OPCML: variants seen among roughly 807,000 people sequenced by gnomAD.
OPCML encodes opioid-binding protein/cell adhesion molecule.
OPCML carries 13 observed loss-of-function variants against 37.8 expected under a neutral mutation model. That is an observed-to-expected ratio of 0.34 (90% CI 0.22 to 0.55). OPCML has a LOEUF of 0.55. Among genes scored for constraint, OPCML ranks in the 20% least tolerant of loss-of-function variants. The pLI is 0.91. For synonymous variants in OPCML, 176 were observed against 168.8 expected (o/e 1.04, Z -0.33); for missense variants, 341 against 435.6 (o/e 0.78, Z 1.93).
At chr11:133,463,694 C>G (rs1182880745) in intron 1 of OPCML, among the ~76,000 whole-genome samples, 6 of 152,120 alleles carry the variant, frequency 3.9e-5, no homozygotes, top group Non-Finnish European at 4.4e-5. Context: ...ATACCGACAC[C>G]TGGAATGCGC....
chr11:133,148,480 G>T (rs1352037876), intron 1 of OPCML, among the ~76,000 whole-genome samples: 3 of 152,230 alleles, frequency 2.0e-5, no homozygotes, highest in Non-Finnish European at 2.9e-5. Context: ...ATCGCTGGCT[G>T]TTGGTTTTCA....
At chr11:132,704,571 A>G (rs1943957593) in intron 2 of OPCML, among the ~76,000 whole-genome samples, 2 of 152,254 alleles carry the variant, frequency 1.3e-5, no homozygotes, top group Non-Finnish European at 2.9e-5. Context: ...TTACAGTTAT[A>G]TGAAAATGTA....
At chr11:132,695,297 C>T (rs991571625) in intron 2 of OPCML, among the ~76,000 whole-genome samples, 1 of 152,088 alleles carries the variant, frequency 6.6e-6, no homozygotes, top group Non-Finnish European at 1.5e-5. Context: ...CTGCATAATC[C>T]TTGAATGATG....
chr11:132,986,136 T>C (rs1429776403), intron 1 of OPCML, among the ~76,000 whole-genome samples: 1 of 152,134 alleles, frequency 6.6e-6, no homozygotes, highest in African/African-American at 2.4e-5. Context: ...TTTCCCTCAA[T>C]CTAATGGAAA....
intron 1 of OPCML, among the ~76,000 whole-genome samples, chr11:133,484,841 T>G (rs1482668347): frequency 6.6e-6 from 1 of 152,112 alleles, no homozygotes; most frequent in Non-Finnish European, 1.5e-5. Context: ...TTTCTTGGCA[T>G]TCAACAACAT....
At chr11:133,521,670 G>A (rs530729726) in intron 1 of OPCML, among the ~76,000 whole-genome samples, 2 of 152,366 alleles carry the variant, frequency 1.3e-5, no homozygotes, top group Admixed American at 1.3e-4. Flanking sequence ...TCTCCTCCAT[G>A]GGATAAAGCC....
intron 2 of OPCML, among the ~76,000 whole-genome samples, chr11:132,809,744 C>T (rs186030582): frequency 6.6e-6 from 1 of 152,080 alleles, no homozygotes; most frequent in East Asian, 1.9e-4. Context: ...TCACATTCAC[C>T]CCCACTTCAC....
chr11:133,326,573 G>A (rs1013496256), intron 1 of OPCML, among the ~76,000 whole-genome samples: 4 of 144,360 alleles, frequency 2.8e-5, no homozygotes, highest in Non-Finnish European at 4.6e-5. Flanking sequence ...GTGGGGTGTC[G>A]GTGTGTGTAT....
rs180986002 is a variant in OPCML, at chr11:132,637,083, C to A, written c.379+20004G>T. 3.3e-3 allele frequency among the ~76,000 whole-genome samples: 505 copies of A among 152,046 alleles called. 3 individuals carry two copies. Among genetic ancestry groups the A allele is most frequent in the African/African-American group, 0.012 (488 of 41,504 alleles). Reference sequence around the variant, plus strand: ...GATAGATGACTAGGTCAGGCGCATACTACCTATTTATATATTTTTTACTTC... The same window carrying A: ...GATAGATGACTAGGTCAGGCGCATAATACCTATTTATATATTTTTTACTTC... On this transcript the variant is annotated intron_variant, in intron 3 of 7. Coordinates refer to ENST00000524381, the MANE Select transcript of OPCML (RefSeq NM_001012393.5).
In OPCML at chr11:132,417,816, C is replaced by T. The variant is rs903057193; in HGVS notation, c.*2377G>A. ...GTGACAGATCTGAAACGTCTATGTG[C>T]GACCTTTAATTCTGATTTTGCGCCT... On this transcript the variant is annotated 3_prime_UTR_variant, in exon 8 of 8. Coordinates refer to ENST00000524381, the MANE Select transcript of OPCML (RefSeq NM_001012393.5). The T allele has an allele frequency of 3.9e-5, 6 of 152,198 alleles. No individual in the cohort carries two copies. The highest frequency in any genetic ancestry group is 2.1e-4 in the South Asian group (1 of 4,834). 9.4% of individuals were successfully genotyped at this position (152,198 alleles called of 1,614,324 possible). A position where few individuals can be genotyped will look rare whatever the true frequency, so the allele number is the denominator to read the frequency against.
At chr11:133,145,001 GCAA>G (rs1235135554) in intron 1 of OPCML, among the ~76,000 whole-genome samples, 2 of 152,334 alleles carry the variant, frequency 1.3e-5, no homozygotes, top group East Asian at 3.9e-4. Flanking sequence ...TGGGCTCTTA[GCAA>G]CAACAGTGGC....
chr11:133,017,593 G>C (rs898265044), intron 1 of OPCML, among the ~76,000 whole-genome samples: 7 of 151,916 alleles, frequency 4.6e-5, no homozygotes, highest in Non-Finnish European at 1.0e-4. Context: ...TTCTCCATGT[G>C]GGTCAGGCTG....
chr11:133,276,130 C>G (rs1024274610), intron 1 of OPCML, among the ~76,000 whole-genome samples: 1 of 152,150 alleles, frequency 6.6e-6, no homozygotes, highest in Non-Finnish European at 1.5e-5. Flanking sequence ...GAAAATATGT[C>G]TTTCTTTTGC....
intron 2 of OPCML, among the ~76,000 whole-genome samples, chr11:132,692,011 T>C (rs930769964): frequency 2.0e-5 from 3 of 152,192 alleles, no homozygotes; most frequent in African/African-American, 7.2e-5. Context: ...GAACACGTGC[T>C]TCAATCAGCT....
In OPCML at chr11:132,875,093, G is replaced by A. The variant is rs543826521; in HGVS notation, c.146+67833C>T. Reference sequence around the variant, plus strand: ...TACTTGAATATATCCAAAGAAAAGGGGATATGCACTTTGAAATCTATGAAA... The same window carrying A: ...TACTTGAATATATCCAAAGAAAAGGAGATATGCACTTTGAAATCTATGAAA... On this transcript the variant is annotated intron_variant, in intron 2 of 7. Coordinates refer to ENST00000524381, the MANE Select transcript of OPCML (RefSeq NM_001012393.5). Among the ~76,000 whole-genome samples the A allele has an allele frequency of 1.5e-4, 23 of 152,074 alleles. No homozygotes were observed. In the South Asian group the frequency reaches 4.8e-3, roughly 32 times the overall value.
chr11:133,196,981 G>A (rs1028497094), intron 1 of OPCML, among the ~76,000 whole-genome samples: 4 of 152,186 alleles, frequency 2.6e-5, no homozygotes, highest in Non-Finnish European at 4.4e-5. Flanking sequence ...TGCAGAGACC[G>A]CAAAACCAAG....
intron 3 of OPCML, among the ~76,000 whole-genome samples, chr11:132,531,249 T>G (rs555862104): frequency 1.6e-4 from 25 of 152,350 alleles, no homozygotes; most frequent in African/African-American, 5.8e-4. Context: ...AAGCTTTGAA[T>G]GGAAGACTTT....
At chr11:133,074,477 C>T (rs967737486) in intron 1 of OPCML, among the ~76,000 whole-genome samples, 22 of 152,206 alleles carry the variant, frequency 1.4e-4, no homozygotes, top group African/African-American at 5.3e-4. Context: ...TGTGTTCCAG[C>T]TCCCTTTAGA....
chr11:133,338,905 G>C (rs1178674898), intron 1 of OPCML, among the ~76,000 whole-genome samples: 1 of 152,148 alleles, frequency 6.6e-6, no homozygotes, highest in African/African-American at 2.4e-5. Context: ...CAAGACAGGG[G>C]TTGCTAATTT....
Sources: allele counts gnomAD v4.1 joint callset (sites outside exome capture counted in the v4.1 genomes callset), GRCh38; gene constraint gnomAD v4.1.1; transcripts MANE v1.5; gene names NCBI Gene and HGNC (gene_info 2026-07-23, HGNC 2026-07-21).